CTIF: variants seen among roughly 807,000 people sequenced by gnomAD.
The protein encoded by CTIF is cap binding complex dependent translation initiation factor.
Under a neutral mutation model 66.0 loss-of-function variants are expected in CTIF, and 21 were observed. The observed-to-expected ratio is 0.32, with a 90% CI of 0.23 to 0.46. The LOEUF is 0.46. Ranked by LOEUF, CTIF falls within the 20% of genes least tolerant of loss-of-function variation. CTIF has a pLI of 1.00. For missense variants in CTIF, 739 were observed against 812.7 expected (o/e 0.91, Z 1.10); for synonymous variants, 345 against 326.4 (o/e 1.06, Z -0.62).
At position 48,730,064 on chromosome 18, in the gene CTIF, G is replaced by A. The variant is rs531445515; in HGVS notation, c.584+18369G>A. On this transcript the variant is annotated intron_variant, in intron 7 of 11. Coordinates refer to ENST00000256413, the MANE Select transcript of CTIF (RefSeq NM_014772.3). ...CTGTGCTGCCCAGCGCAGTCACCAC[G>A]AGCTGCCTGTGGTGATTTACACCCA... Among the ~76,000 whole-genome samples the A allele has an allele frequency of 8.5e-5, 13 of 152,270 alleles. No homozygotes were observed. In the South Asian group the frequency reaches 2.3e-3, roughly 27 times the overall value.
chr18:48,627,670 G>T (rs145350729), intron 2 of CTIF, among the ~76,000 whole-genome samples: 2,726 of 151,648 alleles, frequency 0.018, 83 homozygotes, highest in African/African-American at 0.063. Context: ...AGTGAGCTGA[G>T]ATCACACCCC....
chr18:48,816,285 G>A (rs1330690473), intron 9 of CTIF, among the ~76,000 whole-genome samples: 1 of 152,178 alleles, frequency 6.6e-6, no homozygotes, highest in African/African-American at 2.4e-5. Context: ...ATTGGCCAAA[G>A]CAAGACATAT....
intron 6 of CTIF, among the ~76,000 whole-genome samples, chr18:48,702,141 G>A (rs561570390): frequency 7.2e-5 from 11 of 152,280 alleles, no homozygotes; most frequent in African/African-American, 7.2e-5. Context: ...GCTAGGATCC[G>A]GGTCACCCAA....
At chr18:48,610,284 T>G (rs554470999) in intron 1 of CTIF, among the ~76,000 whole-genome samples, 1 of 152,252 alleles carries the variant, frequency 6.6e-6, no homozygotes, top group East Asian at 1.9e-4. Flanking sequence ...GGGTGGTCAG[T>G]GCTGGAGCCC....
At chr18:48,854,360 A>T (rs1017217898) in intron 10 of CTIF, among the ~76,000 whole-genome samples, 13 of 152,244 alleles carry the variant, frequency 8.5e-5, no homozygotes, top group African/African-American at 3.1e-4. Context: ...GAGTCTAAAC[A>T]CCAGCTATGG....
intron 9 of CTIF, among the ~76,000 whole-genome samples, chr18:48,795,135 T>C (rs1278538581): frequency 6.6e-6 from 1 of 152,208 alleles, no homozygotes; most frequent in Non-Finnish European, 1.5e-5. Flanking sequence ...CTCCTGGCTT[T>C]TTTTGATCCT....
At chr18:48,752,773 C>T (rs987560829) in intron 7 of CTIF, among the ~76,000 whole-genome samples, 4 of 152,196 alleles carry the variant, frequency 2.6e-5, no homozygotes, top group African/African-American at 4.8e-5. Context: ...ACCCATCATC[C>T]GAATCAGCCC....
intron 6 of CTIF, among the ~76,000 whole-genome samples, chr18:48,695,869 A>G (rs112066526): frequency 6.6e-6 from 1 of 152,236 alleles, no homozygotes; most frequent in Non-Finnish European, 1.5e-5. Context: ...GGGGAAGGAA[A>G]GAGTTCGCAG....
intron 1 of CTIF, among the ~76,000 whole-genome samples, chr18:48,580,471 A>T (rs1376114562): frequency 6.6e-6 from 1 of 152,048 alleles, no homozygotes; most frequent in East Asian, 1.9e-4. Flanking sequence ...TGTGCCAACC[A>T]CCCGCCTTCA....
chr18:48,821,295 T>C (rs1427378342), intron 10 of CTIF, among the ~76,000 whole-genome samples: 1 of 152,268 alleles, frequency 6.6e-6, no homozygotes, highest in Non-Finnish European at 1.5e-5. Context: ...TCTCACTGCA[T>C]GGACGCCTCC....
chr18:48,753,902 G>C (rs781116966), intron 7 of CTIF, among the ~76,000 whole-genome samples: 1 of 152,150 alleles, frequency 6.6e-6, no homozygotes, highest in Non-Finnish European at 1.5e-5. Context: ...CGCAGGTTTC[G>C]TGGGGAGCAG....
At chr18:48,599,366 C>A (rs2090049253) in intron 1 of CTIF, among the ~76,000 whole-genome samples, 1 of 151,714 alleles carries the variant, frequency 6.6e-6, no homozygotes, top group South Asian at 2.1e-4. Context: ...GCCAAAATCT[C>A]ATTTTGGGGA....
intron 10 of CTIF, among the ~76,000 whole-genome samples, chr18:48,820,077 T>C (rs2068451274): frequency 1.3e-5 from 2 of 152,200 alleles, no homozygotes; most frequent in Admixed American, 1.3e-4. Flanking sequence ...AAAGGGCTAC[T>C]TGGGCTGAGT....
intron 6 of CTIF, among the ~76,000 whole-genome samples, chr18:48,690,351 C>A (rs985080517): frequency 6.6e-6 from 1 of 152,162 alleles, no homozygotes; most frequent in South Asian, 2.1e-4. Context: ...ATCCAGTCAC[C>A]TCTAGCATGA....
At position 48,655,870 on chromosome 18, in the gene CTIF, A is replaced by G. The variant is rs57135202; in HGVS notation, c.253-7882A>G. Among the ~76,000 whole-genome samples the G allele has an allele frequency of 7.2e-4, 109 of 152,314 alleles. 1 individual carries two copies. Among genetic ancestry groups the G allele is most frequent in the African/African-American group, 2.6e-3 (106 of 41,566 alleles). Reference sequence around the variant, plus strand: ...AGTTTCTAAACACTCACAGCCTGGAATTGTCATTACACACATGCCCCCACA... The same window carrying G: ...AGTTTCTAAACACTCACAGCCTGGAGTTGTCATTACACACATGCCCCCACA... On this transcript the variant is annotated intron_variant, in intron 3 of 11. Transcript: ENST00000256413.
At chr18:48,662,073 C>T (rs113283715) in intron 3 of CTIF, 4 of 152,262 alleles carry the variant, frequency 2.6e-5, no homozygotes, top group Non-Finnish European at 5.9e-5. Context: ...GTAAGTCACC[C>T]ACACAGATAG....
At chr18:48,557,801 G>C (rs2089057719) in intron 1 of CTIF, among the ~76,000 whole-genome samples, 1 of 152,186 alleles carries the variant, frequency 6.6e-6, no homozygotes, top group African/African-American at 2.4e-5. Context: ...CCTCTTGCTG[G>C]GTCCCACACG....
At chr18:48,661,079 C>T (rs1167414371) in intron 3 of CTIF, among the ~76,000 whole-genome samples, 1 of 152,208 alleles carries the variant, frequency 6.6e-6, no homozygotes, top group African/African-American at 2.4e-5. Flanking sequence ...TGGCAGGAAT[C>T]CAAGCTGGCC....
At chr18:48,669,971 C>A (rs941638443) in intron 5 of CTIF, among the ~76,000 whole-genome samples, 5 of 151,126 alleles carry the variant, frequency 3.3e-5, no homozygotes, top group African/African-American at 1.2e-4. Context: ...ACACTATTAT[C>A]CTCATTTAAC....
Sources: allele counts gnomAD v4.1 joint callset (sites outside exome capture counted in the v4.1 genomes callset), GRCh38; gene constraint gnomAD v4.1.1; transcripts MANE v1.5; gene names NCBI Gene and HGNC (gene_info 2026-07-23, HGNC 2026-07-21).